MAGI2: variants seen among roughly 807,000 people sequenced by gnomAD.
MAGI2 encodes membrane associated guanylate kinase, WW and PDZ domain containing 2.
Under a neutral mutation model 133.3 loss-of-function variants are expected in MAGI2, and 35 were observed. That is an observed-to-expected ratio of 0.26 (90% CI 0.20 to 0.35). The LOEUF (loss-of-function observed/expected upper bound fraction) is 0.35, where lower values mean the gene tolerates loss of function less well. Ranked by LOEUF, MAGI2 falls within the 10% of genes least tolerant of loss-of-function variation. The probability of loss-of-function intolerance (pLI) is 1.00; values close to 1 mark genes in which losing one functional copy is unlikely to be tolerated. For synonymous variants in MAGI2, 729 were observed against 710.6 expected, an observed-to-expected ratio of 1.03 and a Z score of -0.41; for missense variants, 1,636 against 1,863.4, an observed-to-expected ratio of 0.88 and a Z score of 2.25.
At chr7:78,914,246 C>T (rs1798620868) in intron 2 of MAGI2, among the ~76,000 whole-genome samples, 2 of 152,070 alleles carry the variant, frequency 1.3e-5, no homozygotes, top group African/African-American at 4.8e-5. Flanking sequence ...CATTTAATAA[C>T]ATATGAACAA....
At chr7:78,425,329 A>G (rs1042758994) in intron 6 of MAGI2, among the ~76,000 whole-genome samples, 1 of 152,058 alleles carries the variant, frequency 6.6e-6, no homozygotes, top group East Asian at 1.9e-4. Context: ...GCCACGTGGA[A>G]CTGTAAGTCC....
At chr7:78,466,458 A>C (rs1052660428) in intron 6 of MAGI2, among the ~76,000 whole-genome samples, 1 of 152,192 alleles carries the variant, frequency 6.6e-6, no homozygotes, top group Non-Finnish European at 1.5e-5. Context: ...ACTGTTTGTG[A>C]GGATTTATGT....
chr7:78,181,517 G>C (rs1457207703), intron 13 of MAGI2, among the ~76,000 whole-genome samples: 1 of 152,202 alleles, frequency 6.6e-6, no homozygotes, highest in African/African-American at 2.4e-5. Flanking sequence ...TGGTTGTAAA[G>C]AAATGGACTA....
chr7:79,302,073 C>A (rs1423673065), intron 1 of MAGI2, among the ~76,000 whole-genome samples: 7 of 152,184 alleles, frequency 4.6e-5, no homozygotes, highest in Admixed American at 4.6e-4. Context: ...CCAATTAAAA[C>A]TCTTTTTAAA....
chr7:78,340,146 CTGAT>C (rs1240799029), intron 9 of MAGI2, among the ~76,000 whole-genome samples: 1 of 152,048 alleles, frequency 6.6e-6, no homozygotes, highest in African/African-American at 2.4e-5. Context: ...TCTATTAGAA[CTGAT>C]TGAGTTTATA....
intron 4 of MAGI2, among the ~76,000 whole-genome samples, chr7:78,507,685 T>A (rs1446695785): frequency 6.6e-6 from 1 of 152,160 alleles, no homozygotes; most frequent in Non-Finnish European, 1.5e-5. Context: ...AGGAAGACAG[T>A]GTAGCAATTA....
chr7:78,728,581 T>TTTTTTTTTTTTTTTTG, intron 2 of MAGI2, among the ~76,000 whole-genome samples: 1 of 59,202 alleles, frequency 1.7e-5, no homozygotes, highest in African/African-American at 7.6e-5. Flanking sequence ...TTTTTTTTTT[T>TTTTTTTTTTTTTTTTG]TTGAGACGGA....
At chr7:78,951,248 A>T (rs1383060672) in intron 2 of MAGI2, among the ~76,000 whole-genome samples, 1 of 152,194 alleles carries the variant, frequency 6.6e-6, no homozygotes, top group African/African-American at 2.4e-5. Flanking sequence ...CTGGGATTAC[A>T]GGCATGAGCT....
chr7:78,192,337 T>C (rs1193195451), intron 12 of MAGI2, among the ~76,000 whole-genome samples: 2 of 152,162 alleles, frequency 1.3e-5, no homozygotes, highest in East Asian at 1.9e-4. Context: ...TTTTGAAATA[T>C]TGATCTTTTG....
chr7:79,205,314 A>T (rs1269488298), intron 1 of MAGI2, among the ~76,000 whole-genome samples: 1 of 152,006 alleles, frequency 6.6e-6, no homozygotes, highest in Non-Finnish European at 1.5e-5. Context: ...ACCAGGAGAA[A>T]GTGAGGTGAA....
At chr7:79,130,258 G>A (rs2129545305) in intron 1 of MAGI2, among the ~76,000 whole-genome samples, 1 of 152,258 alleles carries the variant, frequency 6.6e-6, no homozygotes, top group East Asian at 1.9e-4. Context: ...GCTTCAGTGA[G>A]CTATGACAGC....
chr7:78,870,354 A>AG (rs1794931801), intron 2 of MAGI2, among the ~76,000 whole-genome samples: 1 of 91,576 alleles, frequency 1.1e-5, no homozygotes, highest in Non-Finnish European at 2.8e-5. Context: ...ACCCTGTCTC[A>AG]GAAAAAAAAA....
intron 4 of MAGI2, among the ~76,000 whole-genome samples, chr7:78,515,961 C>T (rs1796006574): frequency 6.6e-6 from 1 of 152,058 alleles, no homozygotes; most frequent in African/African-American, 2.4e-5. Context: ...GCCAGACATG[C>T]ACATTATGAA....
intron 1 of MAGI2, among the ~76,000 whole-genome samples, chr7:79,253,487 A>G (rs1247793762): frequency 2.0e-5 from 3 of 152,122 alleles, no homozygotes; most frequent in Non-Finnish European, 4.4e-5. Context: ...TACTAAAAAT[A>G]TAAAAATTAG....
At chr7:78,959,633 T>C (rs903513008) in intron 2 of MAGI2, among the ~76,000 whole-genome samples, 1 of 152,172 alleles carries the variant, frequency 6.6e-6, no homozygotes, top group Admixed American at 6.5e-5. Context: ...TAGGGAATCA[T>C]TGATGTATGT....
rs750821556 is a variant in MAGI2 at position 78,019,789 on chromosome 7, C to A, written c.3894G>T (p.Lys1298Asn). The A allele has an allele frequency of 6.2e-7, 1 of 1,613,162 alleles. No individual in the cohort carries two copies. The highest frequency in any genetic ancestry group is 8.5e-7 in the Non-Finnish European group (1 of 1,179,872). Residue 1298 changes from lysine (K) to asparagine (N), a missense_variant, in exon 22 of 22, where the codon AAG becomes AAT. By Grantham distance (94) the Lys-to-Asn change is moderately conservative. This residue lies in a region of MAGI2 where 354 missense variants were observed against 298.7 expected (regional missense o/e 1.19). Coordinates refer to ENST00000354212, the MANE Select transcript of MAGI2 (RefSeq NM_012301.4). ...TCTTCTGGCCGCAGGCTGAAAGCTC[C>A]TTTGGTTTCCTAACGTCGTGTTCCC... ...IKREHDVRKPKELSACGQKKQ... is the reference protein window; with the variant it reads ...IKREHDVRKPNELSACGQKKQ...
At chr7:78,062,622 G>T (rs959137625) in intron 21 of MAGI2, among the ~76,000 whole-genome samples, 31 of 152,070 alleles carry the variant, frequency 2.0e-4, no homozygotes, top group African/African-American at 7.0e-4. Flanking sequence ...TGTCCAATGT[G>T]GCTTTGTCAT....
chr7:78,760,352 T>G (rs1824372812), intron 2 of MAGI2, among the ~76,000 whole-genome samples: 1 of 145,478 alleles, frequency 6.9e-6, no homozygotes, highest in African/African-American at 2.6e-5. Flanking sequence ...AACTGGACTT[T>G]AATTCTCTCT....
At chr7:78,700,460 A>G (rs537464745) in intron 2 of MAGI2, among the ~76,000 whole-genome samples, 1 of 152,208 alleles carries the variant, frequency 6.6e-6, no homozygotes, top group South Asian at 2.1e-4. Flanking sequence ...TCAGCTCCAC[A>G]AAAACCTTAA....
Sources: gnomAD v4.1 joint callset for allele counts (sites outside exome capture counted in the v4.1 genomes callset) on GRCh38, gnomAD v4.1.1 for gene constraint, gnomAD v4.1.1 regional missense constraint, MANE v1.5 for transcripts, NCBI Gene and HGNC (gene_info 2026-07-23, HGNC 2026-07-21) for gene names.